The following SLC27A6 variants were observed in gnomAD, a reference collection of about 807,000 sequenced individuals.
SLC27A6 encodes solute carrier family 27 member 6.
SLC27A6 carries 74 observed loss-of-function variants against 63.9 expected under a neutral mutation model. The observed-to-expected ratio is 1.16, with a 90% confidence interval of 0.96 to 1.40. SLC27A6 has a LOEUF of 1.40. Among genes scored for constraint, SLC27A6 ranks in the 40% most tolerant of loss-of-function variants. The pLI, the probability that SLC27A6 is intolerant of heterozygous loss-of-function variation, is 0.00. For synonymous variants in SLC27A6, 287 were observed against 260.8 expected, an observed-to-expected ratio of 1.10 and a Z score of -0.97; for missense variants, 794 against 732.9, an observed-to-expected ratio of 1.08 and a Z score of -0.96.
intron 2 of SLC27A6, 101 bp from the exon 3 acceptor site, chr5:128,988,499 T>A (rs1013861310): frequency 1.6e-5 from 14 of 890,868 alleles, no homozygotes; most frequent in Non-Finnish European, 2.2e-5. Context: ...ATCAGTATCA[T>A]CTTCTTTCTG....
intron 4 of SLC27A6, among the ~76,000 whole-genome samples, chr5:129,003,694 G>T (rs901138289): frequency 2.6e-5 from 4 of 152,086 alleles, no homozygotes; most frequent in Non-Finnish European, 5.9e-5. Context: ...AATTAGGTAG[G>T]CGTGGTGACA....
Position 129,028,346 on chromosome 5 carries a change from T to C in SLC27A6, c.1456T>C (p.Trp486Arg). The change falls in exon 8 of 10, where the codon TGG becomes CGG. Residue 486 changes from tryptophan to arginine, a missense_variant and splice_region_variant. Physicochemically the swap from Trp to Arg is moderately radical, Grantham distance 101. Transcript: ENST00000262462. ...FWDRTGDTFR[W>R]KGENVATTEV... ...TGGAATTTGATTTTTTTCATTTAGA[T>C]GGAAAGGAGAAAATGTCGCAACCAC... The C allele has an allele frequency of 6.2e-7, 1 of 1,601,558 alleles. No individual in the cohort carries two copies. Among genetic ancestry groups the C allele is most frequent in the Non-Finnish European group, 8.5e-7 (1 of 1,170,026 alleles).
In SLC27A6 at chr5:128,990,327, T is replaced by C; in HGVS notation, c.845-13T>C. The C allele has an allele frequency of 1.2e-6, 2 of 1,606,684 alleles. No homozygotes were observed. Among genetic ancestry groups the C allele is most frequent in the Non-Finnish European group, 1.7e-6 (2 of 1,178,296 alleles). On this transcript the variant is annotated splice_polypyrimidine_tract_variant and intron_variant, in intron 3 of 9. Coordinates refer to ENST00000262462, the MANE Select transcript of SLC27A6 (RefSeq NM_001017372.3). ...TTTTTTTCCCTAGTGCCTGTTTTTG[T>C]CTTTTCTTATAGGTGCCACTTGTGT... is the stretch of plus-strand genomic sequence containing the variant.
intron 1 of SLC27A6, among the ~76,000 whole-genome samples, chr5:128,977,942 T>TTGGC (rs1343526388): frequency 4.6e-5 from 7 of 152,178 alleles, no homozygotes; most frequent in Non-Finnish European, 8.8e-5. Context: ...GATGGTAATC[T>TTGGC]TGGCAGCAGA....
chr5:128,969,194 T>G (rs1008353340), intron 1 of SLC27A6, among the ~76,000 whole-genome samples: 10 of 152,134 alleles, frequency 6.6e-5, no homozygotes, highest in Admixed American at 1.3e-4. Context: ...AAGTCAGGTA[T>G]CGTGATGCCT....
intron 4 of SLC27A6, among the ~76,000 whole-genome samples, chr5:128,995,011 A>T (rs982287600): frequency 1.3e-5 from 2 of 152,206 alleles, no homozygotes; most frequent in African/African-American, 4.8e-5. Context: ...TCATGGTGAG[A>T]TGAAGTTGTT....
rs780493719 is a variant in SLC27A6, at chr5:128,981,152, C to G, written c.482-3981C>G. ...TGCTTCTTTGAAAACAGAAATTAAG[C>G]CTACAATGTAGACTTTGTTAAAGGT... On this transcript the variant is annotated intron_variant, in intron 1 of 9. Coordinates refer to ENST00000262462, the MANE Select transcript of SLC27A6 (RefSeq NM_001017372.3). Among the ~76,000 whole-genome samples, 4 of 151,996 alleles carry G rather than the reference C, an allele frequency of 2.6e-5. No individual in the cohort carries two copies. In the South Asian group the frequency reaches 6.2e-4, roughly 24 times the overall value.
intron 4 of SLC27A6, among the ~76,000 whole-genome samples, chr5:129,007,416 C>T (rs1751577099): frequency 1.5e-5 from 2 of 137,822 alleles, no homozygotes; most frequent in South Asian, 4.5e-4. Context: ...GCACTCCAGC[C>T]TGGGCGACAG....
intron 5 of SLC27A6, among the ~76,000 whole-genome samples, chr5:129,022,123 T>C (rs887899825): frequency 6.6e-6 from 1 of 152,228 alleles, no homozygotes; most frequent in Non-Finnish European, 1.5e-5. Context: ...TATCCTGTTA[T>C]CCCAATTACA....
intron 1 of SLC27A6, among the ~76,000 whole-genome samples, chr5:128,971,940 G>T (rs113909320): frequency 0.24 from 36,633 of 151,766 alleles, 4,972 homozygotes; most frequent in Middle Eastern, 0.33. Context: ...CTTTAGGAGC[G>T]CTTGTAAGGC....
At chr5:128,982,161 C>A (rs1462498805) in intron 1 of SLC27A6, among the ~76,000 whole-genome samples, 1 of 152,024 alleles carries the variant, frequency 6.6e-6, no homozygotes, top group African/African-American at 2.4e-5. Flanking sequence ...GATTCTTTAT[C>A]CCCTGCATGA....
In SLC27A6 at chr5:129,018,414, C is replaced by T. The variant is rs140531197; in HGVS notation, c.1164+2335C>T. On this transcript the variant is annotated intron_variant, in intron 5 of 9. Coordinates refer to ENST00000262462, the MANE Select transcript of SLC27A6 (RefSeq NM_001017372.3). ...AGCTCACTTTTTCAGTCTAGTTGCC[C>T]ATTCAAAGCTGGTGTAAATCACAGT... Among the ~76,000 whole-genome samples, 35 of 152,156 alleles carry T rather than the reference C, an allele frequency of 2.3e-4. No individual in the cohort carries two copies. In the East Asian group the frequency reaches 3.3e-3, roughly 14 times the overall value.
intron 1 of SLC27A6, among the ~76,000 whole-genome samples, chr5:128,974,680 T>C (rs2150128898): frequency 6.6e-6 from 1 of 152,326 alleles, no homozygotes; most frequent in East Asian, 1.9e-4. Context: ...AGATGAATCA[T>C]GTGGTTCAGA....
chr5:129,026,344 C>T (rs4836434), intron 6 of SLC27A6, among the ~76,000 whole-genome samples: 37,806 of 151,868 alleles, frequency 0.25, 5,824 homozygotes, highest in East Asian at 0.7. Context: ...CTGAGAAAAA[C>T]CTTAATTAAT....
chr5:128,972,954 T>G lies in SLC27A6; in HGVS notation c.481+6336T>G, dbSNP rs550108269. On this transcript the variant is annotated intron_variant, in intron 1 of 9. Coordinates refer to ENST00000262462, the MANE Select transcript of SLC27A6 (RefSeq NM_001017372.3). The stretch of plus-strand genomic sequence containing the variant: ...GTGACCTACAGATGGCGTTTTCATG[T>G]GGATGTCCTTTTTGTTGGTGTTGAT... Among the ~76,000 whole-genome samples, 7 of 152,370 alleles carry G rather than the reference T, an allele frequency of 4.6e-5. No individual in the cohort carries two copies. In the South Asian group the frequency reaches 1.4e-3, roughly 32 times the overall value.
At position 129,023,692 on chromosome 5, in the gene SLC27A6, T is replaced by TATAC; in HGVS notation, c.1237_1238insATAC (p.Cys413TyrfsTer31). ...ACCCATGAGAAATGAGCAGGGTTGG[T>TATAC]GTATTCATGTGAAAAAAGGTAAGAC... is the stretch of plus-strand genomic sequence containing the variant. On this transcript the variant is annotated frameshift_variant, in exon 6 of 10. Coordinates refer to ENST00000262462, the MANE Select transcript of SLC27A6 (RefSeq NM_001017372.3). LOFTEE classifies it high-confidence loss of function. 1 of 1,608,930 alleles carries TATAC rather than the reference T, an allele frequency of 6.2e-7. No individual in the cohort carries two copies.
At chr5:129,013,822 G>A (rs6867407) in intron 4 of SLC27A6, among the ~76,000 whole-genome samples, 33,809 of 151,774 alleles carry the variant, frequency 0.22, 3,824 homozygotes, top group Middle Eastern at 0.28. Context: ...TGTTCTTTGC[G>A]TCTCATATGT....
At chr5:128,986,670 A>C (rs1750797506) in intron 2 of SLC27A6, among the ~76,000 whole-genome samples, 1 of 152,180 alleles carries the variant, frequency 6.6e-6, no homozygotes, top group African/African-American at 2.4e-5. Context: ...CTTCTTTCTC[A>C]GATTGTTCAG....
At chr5:129,014,855 A>G (rs970085638) in intron 4 of SLC27A6, among the ~76,000 whole-genome samples, 8 of 152,154 alleles carry the variant, frequency 5.3e-5, no homozygotes, top group Non-Finnish European at 1.2e-4. Flanking sequence ...ATTCTGCTCA[A>G]TCACATGTCC....
Sources: allele counts gnomAD v4.1 joint callset (sites outside exome capture counted in the v4.1 genomes callset), GRCh38; gene constraint gnomAD v4.1.1; transcripts MANE v1.5; gene names NCBI Gene and HGNC (gene_info 2026-07-23, HGNC 2026-07-21).